Variants in ESRRG observed in about 807,000 individuals in gnomAD.
ESRRG encodes the protein estrogen-related receptor gamma.
A neutral mutation model predicts 44.0 loss-of-function variants in ESRRG; 13 were observed. The observed-to-expected ratio is 0.30, with a 90% CI of 0.19 to 0.47. The LOEUF is 0.47. Among genes scored for constraint, ESRRG ranks in the 20% least tolerant of loss-of-function variants. The probability of loss-of-function intolerance (pLI) is 1.00; values close to 1 mark genes in which losing one functional copy is unlikely to be tolerated. For synonymous variants in ESRRG, 215 were observed against 214.6 expected, an observed-to-expected ratio of 1.00 and a Z score of -0.02; for missense variants, 395 against 580.6, an observed-to-expected ratio of 0.68 and a Z score of 3.29.
At chr1:217,074,636 GA>G (rs2091052922) in intron 1 of ESRRG, among the ~76,000 whole-genome samples, 1 of 152,024 alleles carries the variant, frequency 6.6e-6, no homozygotes, top group Admixed American at 6.6e-5. Flanking sequence ...CTAGGAACTC[GA>G]GAACAACCTG....
rs115185921 is a variant in ESRRG at position 216,653,836 on chromosome 1, A to C, written c.473-2747T>G. Among the ~76,000 whole-genome samples, 1,246 of 152,158 alleles carry C rather than the reference A, an allele frequency of 8.2e-3. 18 individuals carry two copies. The highest frequency in any genetic ancestry group is 0.028 in the African/African-American group (1,177 of 41,502). On this transcript the variant is annotated intron_variant, in intron 2 of 6. Transcript: ENST00000408911. ...ATGCAGTATAAAAACCATCCAAGCC[A>C]GGTGCAGTGGTTCACGCCTGTAATT...
chr1:216,967,151 C>T (rs1171602249), intron 1 of ESRRG, among the ~76,000 whole-genome samples: 1 of 151,658 alleles, frequency 6.6e-6, no homozygotes, highest in East Asian at 1.9e-4. Flanking sequence ...CCTACCTACC[C>T]TCCACATACA....
intron 1 of ESRRG, among the ~76,000 whole-genome samples, chr1:216,705,675 A>T (rs2082309719): frequency 6.6e-6 from 1 of 152,182 alleles, no homozygotes; most frequent in Admixed American, 6.5e-5. Flanking sequence ...ATTCCAAAGC[A>T]CCCAGGACCA....
At chr1:216,867,675 C>G (rs2096189488) in intron 2 of ESRRG, among the ~76,000 whole-genome samples, 1 of 152,132 alleles carries the variant, frequency 6.6e-6, no homozygotes. Flanking sequence ...TTTTATCAAC[C>G]ATCATCTCTC....
intron 1 of ESRRG, among the ~76,000 whole-genome samples, chr1:216,995,185 T>C (rs1031155115): frequency 6.6e-6 from 1 of 152,168 alleles, no homozygotes; most frequent in Non-Finnish European, 1.5e-5. Context: ...CCAATACATA[T>C]GCATGCCCTG....
At chr1:216,772,271 C>T (rs2093415695) in intron 2 of ESRRG, among the ~76,000 whole-genome samples, 1 of 152,142 alleles carries the variant, frequency 6.6e-6, no homozygotes, top group African/African-American at 2.4e-5. Flanking sequence ...GCAAAATCTG[C>T]ATGGACTGTG....
chr1:216,661,269 G>A (rs2072320271), intron 2 of ESRRG, among the ~76,000 whole-genome samples: 1 of 152,104 alleles, frequency 6.6e-6, no homozygotes, highest in Non-Finnish European at 1.5e-5. Flanking sequence ...GCTTAAAGGT[G>A]ACCACTGCCA....
chr1:216,703,774 A>T (rs2081932452), intron 1 of ESRRG, among the ~76,000 whole-genome samples: 3 of 151,892 alleles, frequency 2.0e-5, no homozygotes, highest in Non-Finnish European at 4.4e-5. Flanking sequence ...GAGAGCTGGG[A>T]TGCCAAAGGA....
At chr1:217,090,952 T>C (rs1389140798), upstream of ESRRG, among the ~76,000 whole-genome samples, 3 of 152,218 alleles carry the variant, frequency 2.0e-5, no homozygotes, top group Non-Finnish European at 4.4e-5. Context: ...TTTTAGCCGG[T>C]GTGGCCACAT....
intron 2 of ESRRG, among the ~76,000 whole-genome samples, chr1:216,935,786 T>A (rs1014213538): frequency 8.6e-5 from 13 of 151,944 alleles, no homozygotes; most frequent in Admixed American, 7.9e-4. Flanking sequence ...CTGGCTAATT[T>A]TTATATTTTT....
chr1:216,778,657 G>A (rs771148719), intron 2 of ESRRG, among the ~76,000 whole-genome samples: 10 of 151,850 alleles, frequency 6.6e-5, no homozygotes, highest in South Asian at 4.2e-4. Context: ...CTATAGACAC[G>A]CAGGAGGAGC....
At chr1:216,703,259 G>C (rs989986812) in intron 1 of ESRRG, among the ~76,000 whole-genome samples, 37 of 151,924 alleles carry the variant, frequency 2.4e-4, no homozygotes, top group African/African-American at 8.5e-4. Flanking sequence ...GAATTGTCTT[G>C]GGCCACATAT....
chr1:216,945,649 A>G lies in ESRRG; in HGVS notation c.-105-5976T>C, dbSNP rs2065946977. Among the ~76,000 whole-genome samples, 4 of 152,224 alleles carry G rather than the reference A, an allele frequency of 2.6e-5. No individual in the cohort carries two copies. The South Asian group carries it at 8.3e-4, about 31-fold the overall frequency. On this transcript the variant is annotated intron_variant, in intron 1 of 7. Transcript: ENST00000359162. Reference sequence around the variant, plus strand: ...TTGATGTACTGTCTTCATTTAAATTACAAATACGCTAATCTGAAACACTGT... The same window carrying G: ...TTGATGTACTGTCTTCATTTAAATTGCAAATACGCTAATCTGAAACACTGT...
At chr1:217,133,973 C>A (rs1261676091) in intron 1 of ESRRG, among the ~76,000 whole-genome samples, 1 of 152,128 alleles carries the variant, frequency 6.6e-6, no homozygotes, top group African/African-American at 2.4e-5. Flanking sequence ...ACCCATATCC[C>A]CGAATGTGGC....
intron 2 of ESRRG, among the ~76,000 whole-genome samples, chr1:216,755,122 A>G (rs1007068061): frequency 2.0e-5 from 3 of 152,142 alleles, no homozygotes; most frequent in African/African-American, 7.2e-5. Context: ...GCAATTCATG[A>G]TTTTATCACA....
At chr1:217,116,287 T>C in intron 1 of ESRRG, among the ~76,000 whole-genome samples, 1 of 152,216 alleles carries the variant, frequency 6.6e-6, no homozygotes, top group East Asian at 1.9e-4. Flanking sequence ...CTGGTTGTCA[T>C]CTCACTGGCA....
intron 2 of ESRRG, among the ~76,000 whole-genome samples, chr1:216,879,422 C>T (rs2096406737): frequency 6.9e-6 from 1 of 145,646 alleles, no homozygotes; most frequent in African/African-American, 2.6e-5. Context: ...CCCTGCTAGG[C>T]TGTCCCAGTT....
intron 2 of ESRRG, among the ~76,000 whole-genome samples, chr1:216,912,172 AAAGAAAAGAAAAG>A (rs1232915367): frequency 0.11 from 3,432 of 30,036 alleles, 414 homozygotes; most frequent in Middle Eastern, 0.2. Flanking sequence ...AAAGAAAAGA[AAAGAAAAGAAAAG>A]GAGAGGAGAG....
intron 2 of ESRRG, among the ~76,000 whole-genome samples, chr1:216,916,570 C>T (rs1226000141): frequency 3.3e-5 from 5 of 152,200 alleles, no homozygotes; most frequent in Non-Finnish European, 5.9e-5. Flanking sequence ...CCGCCAGGCA[C>T]GCGCAGCAAG....
Sources: allele counts gnomAD v4.1 joint callset (sites outside exome capture counted in the v4.1 genomes callset), GRCh38; gene constraint gnomAD v4.1.1; transcripts MANE v1.5; gene names NCBI Gene and HGNC (gene_info 2026-07-23, HGNC 2026-07-21).